PPP3CA: variants seen among roughly 807,000 people sequenced by gnomAD.
PPP3CA encodes the protein CAM-PRP catalytic subunit.
In PPP3CA, 14 loss-of-function variants were observed where a neutral mutation model predicts 66.5. The observed-to-expected ratio is 0.21, with a 90% CI of 0.14 to 0.33. The LOEUF (loss-of-function observed/expected upper bound fraction) is 0.33. Among genes scored for constraint, PPP3CA ranks in the 10% least tolerant of loss-of-function variants. PPP3CA has a pLI of 1.00. For synonymous variants in PPP3CA, 232 were observed against 226.2 expected, an observed-to-expected ratio of 1.03 and a Z score of -0.23; for missense variants, 317 against 639.5, an observed-to-expected ratio of 0.50 and a Z score of 5.44.
At chr4:101,229,298 T>A (rs767019739) in intron 1 of PPP3CA, among the ~76,000 whole-genome samples, 2 of 151,598 alleles carry the variant, frequency 1.3e-5, no homozygotes, top group Non-Finnish European at 3.0e-5. Context: ...TTGAATGGAA[T>A]TTCAACTGTC....
chr4:101,282,841 T>G (rs1727728772), intron 1 of PPP3CA, among the ~76,000 whole-genome samples: 1 of 152,178 alleles, frequency 6.6e-6, no homozygotes. Context: ...ATATTTAGCA[T>G]GGACTTTTAA....
At chr4:101,107,614 C>T (rs932934416) in intron 3 of PPP3CA, among the ~76,000 whole-genome samples, 2 of 152,154 alleles carry the variant, frequency 1.3e-5, no homozygotes, top group African/African-American at 4.8e-5. Context: ...GGCGGAAATA[C>T]ATATATGTCT....
intron 6 of PPP3CA, among the ~76,000 whole-genome samples, chr4:101,089,940 C>T (rs1729839120): frequency 6.6e-6 from 1 of 152,090 alleles, no homozygotes; most frequent in Non-Finnish European, 1.5e-5. Context: ...AATAATGGCC[C>T]AGATAACATG....
chr4:101,215,943 G>A (rs1428306888), intron 1 of PPP3CA, among the ~76,000 whole-genome samples: 1 of 152,082 alleles, frequency 6.6e-6, no homozygotes, highest in Non-Finnish European at 1.5e-5. Context: ...AAGCACTAAG[G>A]AGTGAAGAGA....
intron 1 of PPP3CA, among the ~76,000 whole-genome samples, chr4:101,325,679 A>G (rs1004519951): frequency 1.3e-5 from 2 of 151,974 alleles, no homozygotes; most frequent in Non-Finnish European, 1.5e-5. Flanking sequence ...TATCAAGAAA[A>G]CTCAATGCAG....
At chr4:101,235,431 TCACACA>T (rs57851713) in intron 1 of PPP3CA, among the ~76,000 whole-genome samples, 36 of 148,266 alleles carry the variant, frequency 2.4e-4, no homozygotes, top group African/African-American at 8.6e-4. Context: ...AAACATACAC[TCACACA>T]CACACACACA....
chr4:101,079,011 C>G (rs1436722889), intron 8 of PPP3CA, among the ~76,000 whole-genome samples: 1 of 152,218 alleles, frequency 6.6e-6, no homozygotes, highest in African/African-American at 2.4e-5. Context: ...CATGCTCCTT[C>G]ACTATAGAGG....
intron 1 of PPP3CA, among the ~76,000 whole-genome samples, chr4:101,237,000 TG>T (rs1054667108): frequency 8.6e-5 from 13 of 150,812 alleles, no homozygotes; most frequent in Non-Finnish European, 1.6e-4. Flanking sequence ...ATCTGTGTAA[TG>T]TTTTTATAAT....
intron 9 of PPP3CA, among the ~76,000 whole-genome samples, chr4:101,062,426 C>T (rs1359651534): frequency 6.6e-6 from 1 of 152,000 alleles, no homozygotes; most frequent in East Asian, 1.9e-4. Context: ...TGATACTCCT[C>T]ATAGAACATC....
intron 12 of PPP3CA, 127 bp downstream of exon 12, chr4:101,032,140 C>T (rs1281320691): frequency 3.2e-6 from 2 of 624,892 alleles, no homozygotes; most frequent in Non-Finnish European, 5.1e-6. Flanking sequence ...GGGTTTCAGC[C>T]CTTCTGCCAG....
chr4:101,036,914 T>C (rs928508074), intron 11 of PPP3CA, among the ~76,000 whole-genome samples: 7 of 152,216 alleles, frequency 4.6e-5, no homozygotes, highest in African/African-American at 7.2e-5. Context: ...CTGTAGAATA[T>C]TCTGGAATAC....
chr4:101,288,371 A>G (rs899330473), intron 1 of PPP3CA, among the ~76,000 whole-genome samples: 3 of 152,168 alleles, frequency 2.0e-5, no homozygotes, highest in Admixed American at 6.6e-5. Context: ...ATTAATGGTT[A>G]CCTACCCCCC....
At chr4:101,032,824 T>A (rs1048034629) in intron 11 of PPP3CA, among the ~76,000 whole-genome samples, 6 of 152,182 alleles carry the variant, frequency 3.9e-5, no homozygotes, top group African/African-American at 1.4e-4. Context: ...AAATCTGATT[T>A]GTGGATTAGG....
At chr4:101,276,682 GC>G (rs755927867) in intron 1 of PPP3CA, among the ~76,000 whole-genome samples, 4 of 152,052 alleles carry the variant, frequency 2.6e-5, no homozygotes, top group Non-Finnish European at 4.4e-5. Flanking sequence ...AATAGGGTTT[GC>G]CTTTGCATGT....
chr4:101,152,443 A>T (rs1472432184), intron 2 of PPP3CA, among the ~76,000 whole-genome samples: 1 of 152,252 alleles, frequency 6.6e-6, no homozygotes. Flanking sequence ...AGCTGTCAGT[A>T]CACCCTGTCC....
At chr4:101,197,078 T>G (rs1232561187) in intron 1 of PPP3CA, among the ~76,000 whole-genome samples, 1 of 152,224 alleles carries the variant, frequency 6.6e-6, no homozygotes, top group Non-Finnish European at 1.5e-5. Flanking sequence ...ACTAGAAGTA[T>G]CTGGCAAGCA....
chr4:101,321,244 T>C (rs1729032560), intron 1 of PPP3CA, among the ~76,000 whole-genome samples: 1 of 152,208 alleles, frequency 6.6e-6, no homozygotes, highest in Non-Finnish European at 1.5e-5. Flanking sequence ...AACATGTCCA[T>C]ACACATATAT....
chr4:101,320,460 G>A (rs1445661741), intron 1 of PPP3CA, among the ~76,000 whole-genome samples: 4 of 126,948 alleles, frequency 3.2e-5, no homozygotes, highest in South Asian at 2.9e-4. Flanking sequence ...TCATATGTAT[G>A]TATGTATGTA....
chr4:101,117,939 T>C (rs1401762960), intron 2 of PPP3CA, among the ~76,000 whole-genome samples: 1 of 151,930 alleles, frequency 6.6e-6, no homozygotes, highest in Non-Finnish European at 1.5e-5. Flanking sequence ...AAACTACATA[T>C]AAATATTAAT....
Sources: allele counts gnomAD v4.1 joint callset (sites outside exome capture counted in the v4.1 genomes callset), GRCh38; gene constraint gnomAD v4.1.1; transcripts MANE v1.5; gene names NCBI Gene and HGNC (gene_info 2026-07-23, HGNC 2026-07-21).